The following CRISPLD2 variants were observed in gnomAD, a reference collection of about 807,000 sequenced individuals.
CRISPLD2 encodes cysteine-rich secretory protein LCCL domain-containing 2.
In CRISPLD2, 47 loss-of-function variants were observed where a neutral mutation model predicts 71.1. The observed-to-expected ratio is 0.66, with a 90% CI of 0.52 to 0.84. CRISPLD2 has a LOEUF of 0.84. CRISPLD2 is among the 40% of genes least tolerant of loss of function. The pLI is 0.00. For synonymous variants in CRISPLD2, 317 were observed against 250.1 expected (o/e 1.27, Z -2.52); for missense variants, 830 against 651.1 (o/e 1.27, Z -2.99).
intron 7 of CRISPLD2, among the ~76,000 whole-genome samples, chr16:84,868,046 C>G (rs1019089083): frequency 1.3e-5 from 2 of 152,210 alleles, no homozygotes; most frequent in Non-Finnish European, 2.9e-5. Flanking sequence ...GTTTGCCCCG[C>G]AAGCCTCAAA....
Position 84,885,768 on chromosome 16 carries a change from C to T in CRISPLD2, c.1306-3462C>T, listed in dbSNP as rs149247457. Among the ~76,000 whole-genome samples, 87 of 148,064 alleles carry T rather than the reference C, an allele frequency of 5.9e-4. 3 individuals are homozygous for T. The East Asian group carries it at 0.017, about 29-fold the overall frequency. On this transcript the variant is annotated intron_variant, in intron 13 of 14. Transcript: ENST00000262424. ...CTTTTCTCTTTTGTTTTTTATTTTT[C>T]TGAATAGGCTTATGATTGTTAATGT...
At chr16:84,870,262 T>C (rs2143281635) in intron 8 of CRISPLD2, among the ~76,000 whole-genome samples, 1 of 131,872 alleles carries the variant, frequency 7.6e-6, no homozygotes, top group East Asian at 3.0e-4. Flanking sequence ...CAATTTGATG[T>C]ATTTCCTTCC....
intron 1 of CRISPLD2, among the ~76,000 whole-genome samples, chr16:84,832,880 G>A (rs773651986): frequency 6.6e-6 from 1 of 152,180 alleles, no homozygotes; most frequent in Non-Finnish European, 1.5e-5. Flanking sequence ...GTACGATGGC[G>A]CCCAAGAGAT....
chr16:84,870,871 C>T (rs900007306), intron 8 of CRISPLD2, among the ~76,000 whole-genome samples: 14 of 151,904 alleles, frequency 9.2e-5, no homozygotes, highest in African/African-American at 3.1e-4. Context: ...CCAGCCTGGG[C>T]AACTGGCGAA....
intron 2 of CRISPLD2, among the ~76,000 whole-genome samples, chr16:84,844,601 G>T (rs942901970): frequency 1.6e-4 from 24 of 152,032 alleles, no homozygotes; most frequent in Admixed American, 1.1e-3. Context: ...GACCTCAAGT[G>T]ATCTGCCCGC....
intron 2 of CRISPLD2, among the ~76,000 whole-genome samples, chr16:84,840,663 C>T (rs956726578): frequency 1.8e-4 from 27 of 151,952 alleles, no homozygotes; most frequent in African/African-American, 5.8e-4. Flanking sequence ...TGCACCACCA[C>T]GCCAGGCTAA....
intron 6 of CRISPLD2, among the ~76,000 whole-genome samples, chr16:84,865,593 C>G (rs1214469120): frequency 2.0e-5 from 3 of 152,132 alleles, no homozygotes; most frequent in Admixed American, 6.6e-5. Context: ...GTTTCCAACT[C>G]TGGTCCAAAG....
intron 11 of CRISPLD2, among the ~76,000 whole-genome samples, chr16:84,876,450 C>G (rs2071518961): frequency 6.6e-6 from 1 of 151,452 alleles, no homozygotes; most frequent in African/African-American, 2.4e-5. Flanking sequence ...TGCAGTGAGC[C>G]AAGATCATGC....
At chr16:84,824,391 A>G (rs1916301044) in intron 1 of CRISPLD2, among the ~76,000 whole-genome samples, 1 of 152,220 alleles carries the variant, frequency 6.6e-6, no homozygotes, top group East Asian at 1.9e-4. Context: ...TGTGTCCTCC[A>G]AAGTGTGCAG....
At chr16:84,902,405 C>T (rs916908017) in intron 14 of CRISPLD2, among the ~76,000 whole-genome samples, 4 of 151,514 alleles carry the variant, frequency 2.6e-5, no homozygotes, top group South Asian at 2.1e-4. Flanking sequence ...GTCAGGACAT[C>T]GAGACTATCC....
chr16:84,877,634 G>C (rs2071531714), intron 12 of CRISPLD2, 124 bp downstream of exon 12: 2 of 705,138 alleles, frequency 2.8e-6, no homozygotes, highest in African/African-American at 1.8e-5. Context: ...TGGATCACTT[G>C]AGGCCAGGAG....
At chr16:84,850,870 G>A (rs1017794536) in intron 5 of CRISPLD2, among the ~76,000 whole-genome samples, 187 bp downstream of exon 5, 6 of 152,084 alleles carry the variant, frequency 3.9e-5, no homozygotes, top group Admixed American at 6.6e-5. Flanking sequence ...GGTTCTTTCC[G>A]TCTTCCTGCC....
intron 1 of CRISPLD2, among the ~76,000 whole-genome samples, chr16:84,830,968 AAGGC>A (rs1392477516): frequency 2.0e-5 from 3 of 152,164 alleles, no homozygotes; most frequent in Non-Finnish European, 4.4e-5. Flanking sequence ...CAAACACCGC[AAGGC>A]AGGCTGGTTT....
At chr16:84,900,646 G>T (rs1337184773) in intron 14 of CRISPLD2, among the ~76,000 whole-genome samples, 1 of 152,112 alleles carries the variant, frequency 6.6e-6, no homozygotes, top group Non-Finnish European at 1.5e-5. Context: ...CTGTCAAGAT[G>T]CAAATGCACG....
rs55957905 is a variant in CRISPLD2, at chr16:84,855,045, C to T, written c.709+216C>T. The stretch of plus-strand genomic sequence containing the variant: ...AGGCCCCTGGAGAGCCCCACTGCCC[C>T]GAGACATGGCTTCCCATGGGCATCT... On this transcript the variant is annotated intron_variant, in intron 6 of 14. Coordinates refer to ENST00000262424, the MANE Select transcript of CRISPLD2 (RefSeq NM_031476.4). Among the ~76,000 whole-genome samples the T allele has an allele frequency of 8.0e-3, 1,213 of 152,216 alleles. 13 individuals are homozygous for T. Among genetic ancestry groups the T allele is most frequent in the African/African-American group, 0.027 (1,130 of 41,526 alleles).
chr16:84,878,448 G>A (rs184339374), intron 12 of CRISPLD2, among the ~76,000 whole-genome samples: 34 of 152,268 alleles, frequency 2.2e-4, no homozygotes, highest in Non-Finnish European at 4.4e-4. Flanking sequence ...GTGTGGTCTT[G>A]GGTGTCTGGC....
chr16:84,827,731 T>A (rs1241145436), intron 1 of CRISPLD2, among the ~76,000 whole-genome samples: 1 of 152,060 alleles, frequency 6.6e-6, no homozygotes, highest in Admixed American at 6.5e-5. Flanking sequence ...CACGCCCAGC[T>A]AATTCTTGTA....
chr16:84,878,788 T>C (rs2071543328), intron 12 of CRISPLD2, among the ~76,000 whole-genome samples: 1 of 152,234 alleles, frequency 6.6e-6, no homozygotes, highest in Admixed American at 6.5e-5. Context: ...GTCCCCACTT[T>C]ATAGATGTTC....
In CRISPLD2 at chr16:84,878,762, C is replaced by T. The variant is rs533037602; in HGVS notation, c.1229+1252C>T. Among the ~76,000 whole-genome samples the T allele has an allele frequency of 7.2e-5, 11 of 152,326 alleles. No homozygotes were observed. In the South Asian group the frequency reaches 1.9e-3, roughly 26 times the overall value. ...AGGCACCTTCTCAGGTGGAAAAGGC[C>T]GCAGGTCTCTGGGACGTCCCCACTT... On this transcript the variant is annotated intron_variant, in intron 12 of 14. Transcript: ENST00000262424.
Sources: gnomAD v4.1 joint callset for allele counts (sites outside exome capture counted in the v4.1 genomes callset) on GRCh38, gnomAD v4.1.1 for gene constraint, MANE v1.5 for transcripts, NCBI Gene and HGNC (gene_info 2026-07-23, HGNC 2026-07-21) for gene names.